PRKCZ: variants seen among roughly 807,000 people sequenced by gnomAD.
The protein encoded by PRKCZ is protein kinase C zeta type.
A neutral mutation model predicts 79.5 loss-of-function variants in PRKCZ; 33 were observed. The observed-to-expected ratio is 0.41, with a 90% CI of 0.31 to 0.55. The LOEUF (loss-of-function observed/expected upper bound fraction) is 0.55, where lower values mean the gene tolerates loss of function less well. Ranked by LOEUF, PRKCZ falls within the 20% of genes least tolerant of loss-of-function variation. The probability of loss-of-function intolerance (pLI) is 0.19; values close to 1 mark genes in which losing one functional copy is unlikely to be tolerated. For synonymous variants in PRKCZ, 342 were observed against 320.9 expected, an observed-to-expected ratio of 1.07 and a Z score of -0.70; for missense variants, 578 against 813.5, an observed-to-expected ratio of 0.71 and a Z score of 3.52.
Position 2,050,669 on chromosome 1 carries a change from C to T in PRKCZ, c.39C>T (p.Gly13=). The change falls in exon 1 of 18, where the codon GGC becomes GGT. Residue 13 remains glycine, a synonymous_variant. Coordinates refer to ENST00000378567, the MANE Select transcript of PRKCZ (RefSeq NM_002744.6). ...SRTGPKMEGS[G]GRVRLKAHYG... is the part of the protein sequence containing the mutation. ...CCGGCCCCAAGATGGAAGGGAGCGG[C>T]GGCCGCGTCCGCCTCAAGGCGCATT... The T allele has an allele frequency of 1.6e-6, 2 of 1,224,940 alleles. No homozygotes were observed. Among genetic ancestry groups the T allele is most frequent in the African/African-American group, 1.6e-5 (1 of 64,114 alleles). The allele number at this position is 1,224,940 out of a possible 1,614,324, so 75.9% of individuals were successfully genotyped here.
intron 9 of PRKCZ, 140 bp downstream of exon 9, chr1:2,151,118 A>G (rs1679819577): frequency 1.9e-6 from 2 of 1,063,992 alleles, no homozygotes; most frequent in Admixed American, 2.7e-5. Context: ...ATAGTCATGC[A>G]TCGTGTAATG....
chr1:2,059,648 C>G (rs558491025), intron 4 of PRKCZ, 57 bp downstream of exon 4: 2 of 1,604,580 alleles, frequency 1.2e-6, no homozygotes, highest in East Asian at 2.2e-5. Flanking sequence ...AACTGTTGAT[C>G]CGTTGTGCCA....
intron 2 of PRKCZ, 180 bp downstream of exon 2, chr1:2,055,742 T>A: frequency 1.1e-6 from 1 of 907,886 alleles, no homozygotes; most frequent in Non-Finnish European, 1.6e-6. Context: ...CACAGATGCT[T>A]ATCAAGGACC....
intron 4 of PRKCZ, among the ~76,000 whole-genome samples, chr1:2,113,395 T>C (rs916219534): frequency 6.6e-6 from 1 of 152,192 alleles, no homozygotes; most frequent in African/African-American, 2.4e-5. Context: ...TCTTGGGCTT[T>C]GAGGGGGGCT....
chr1:2,118,822 T>G (rs1233373516), intron 4 of PRKCZ, among the ~76,000 whole-genome samples: 1 of 152,028 alleles, frequency 6.6e-6, no homozygotes, highest in Admixed American at 6.6e-5. Flanking sequence ...TTTCACTTTC[T>G]TTTCTGTATA....
chr1:2,151,045 T>A (rs1020402247), intron 9 of PRKCZ, 67 bp downstream of exon 9: 3 of 1,555,538 alleles, frequency 1.9e-6, no homozygotes, highest in Non-Finnish European at 2.6e-6. Flanking sequence ...CCTCCGGGCT[T>A]TAGCGGAATT....
chr1:2,114,777 A>G (rs1002617949), intron 4 of PRKCZ, among the ~76,000 whole-genome samples: 1 of 152,220 alleles, frequency 6.6e-6, no homozygotes, highest in Non-Finnish European at 1.5e-5. Flanking sequence ...CGTCTCAAAA[A>G]AAAAAGAAAA....
At chr1:2,175,841 G>A (rs1354409915) in intron 16 of PRKCZ, among the ~76,000 whole-genome samples, 1 of 152,154 alleles carries the variant, frequency 6.6e-6, no homozygotes, top group Non-Finnish European at 1.5e-5. Flanking sequence ...ACCCTCGACT[G>A]TGCTGGCTTG....
chr1:2,168,686 C>T lies in PRKCZ; in HGVS notation c.975-832C>T, dbSNP rs77608694. Among the ~76,000 whole-genome samples the T allele has an allele frequency of 7.3e-4, 111 of 152,096 alleles. No individual in the cohort carries two copies. The highest frequency in any genetic ancestry group is 2.5e-3 in the African/African-American group (102 of 41,488). ...GGAGCTTGCGTGGGATCGAAGGAAA[C>T]GGGCAGAGTCACCACACGCTTCCCT... is the stretch of plus-strand genomic sequence containing the variant. On this transcript the variant is annotated intron_variant, in intron 10 of 17. Coordinates refer to ENST00000378567, the MANE Select transcript of PRKCZ (RefSeq NM_002744.6). The surrounding 1 kb of genome is among the most constrained non-coding windows in gnomAD (Gnocchi z 4.7).
At chr1:2,157,262 G>T (rs1248374185) in intron 10 of PRKCZ, among the ~76,000 whole-genome samples, 1 of 152,188 alleles carries the variant, frequency 6.6e-6, no homozygotes, top group Non-Finnish European at 1.5e-5. Context: ...CCCTCAACAG[G>T]CATGCCCGGA....
In PRKCZ at chr1:2,127,370, A is replaced by C. The variant is rs1271235582; in HGVS notation, c.335-7892A>C. 3.3e-5 allele frequency among the ~76,000 whole-genome samples: 5 copies of C among 152,172 alleles called. No individual in the cohort carries two copies. Reference sequence around the variant, plus strand: ...GGCTTGCGATCCGGGCAGGTCCCTCAGATGGAGGGGCTGCACCTCCACTGC... The same window carrying C: ...GGCTTGCGATCCGGGCAGGTCCCTCCGATGGAGGGGCTGCACCTCCACTGC... On this transcript the variant is annotated intron_variant, in intron 4 of 17. Coordinates refer to ENST00000378567, the MANE Select transcript of PRKCZ (RefSeq NM_002744.6). This position sits in a 1 kb window ranked among gnomAD's most constrained non-coding sequence, Gnocchi z 5.1.
At chr1:2,058,376 G>A (rs891552946) in intron 3 of PRKCZ, among the ~76,000 whole-genome samples, 5 of 151,334 alleles carry the variant, frequency 3.3e-5, no homozygotes, top group African/African-American at 1.2e-4. Context: ...TACTCGGGAG[G>A]CTGAGGTGGG....
In PRKCZ at chr1:2,169,797, C is replaced by T. The variant is rs974066826; in HGVS notation, c.1061+193C>T. On this transcript the variant is annotated intron_variant, in intron 11 of 17. Transcript: ENST00000378567. ...GTGCACGGAGGGGGTATGACGGGGG[C>T]GGGGGGGGCGGGGTGCACGTGGAGG... Among the ~76,000 whole-genome samples, 9 of 4,334 alleles carry T rather than the reference C, an allele frequency of 2.1e-3. No homozygotes were observed. In the East Asian group the frequency reaches 0.034, roughly 16 times the overall value. The allele number at this position is 4,334 out of a possible 152,430, so 2.8% of individuals were successfully genotyped here. A position where few individuals can be genotyped will look rare whatever the true frequency, so the allele number is the denominator to read the frequency against.
chr1:2,079,338 G>C (rs1010268220), intron 4 of PRKCZ, among the ~76,000 whole-genome samples: 5 of 152,252 alleles, frequency 3.3e-5, no homozygotes, highest in African/African-American at 7.2e-5. Flanking sequence ...GGGCACCATT[G>C]TTTTCTTTGT....
chr1:2,134,428 C>T (rs1675737934), intron 4 of PRKCZ, among the ~76,000 whole-genome samples: 1 of 152,164 alleles, frequency 6.6e-6, no homozygotes, highest in Non-Finnish European at 1.5e-5. Context: ...TTGTACGTTC[C>T]GTTTCTGAAG....
At chr1:2,087,863 C>G (rs1338918904) in intron 4 of PRKCZ, among the ~76,000 whole-genome samples, 1 of 152,166 alleles carries the variant, frequency 6.6e-6, no homozygotes, top group East Asian at 1.9e-4. Flanking sequence ...GTCCGGGCAC[C>G]GGGGGCAGCA....
chr1:2,054,570 TA>T (rs939565538), intron 1 of PRKCZ, among the ~76,000 whole-genome samples: 150 of 147,290 alleles, frequency 1.0e-3, no homozygotes, highest in Admixed American at 1.1e-3. Flanking sequence ...GACTCGGTTT[TA>T]AAAAAAAAAA....
intron 5 of PRKCZ, among the ~76,000 whole-genome samples, chr1:2,137,973 G>T (rs1676557090): frequency 6.6e-6 from 1 of 152,240 alleles, no homozygotes; most frequent in African/African-American, 2.4e-5. Context: ...GAGGGCGGCT[G>T]CCCTGCAGTT....
At chr1:2,151,210 A>G (rs1000249256) in intron 9 of PRKCZ, among the ~76,000 whole-genome samples, 1 of 152,248 alleles carries the variant, frequency 6.6e-6, no homozygotes, top group Non-Finnish European at 1.5e-5. Flanking sequence ...ACAAACCCAA[A>G]CAGCACAGCC....
Sources: allele counts gnomAD v4.1 joint callset (sites outside exome capture counted in the v4.1 genomes callset), GRCh38; gene constraint gnomAD v4.1.1; non-coding constraint Gnocchi (gnomAD v3.1); transcripts MANE v1.5; gene names NCBI Gene and HGNC (gene_info 2026-07-23, HGNC 2026-07-21).